The following SLC9A2 variants were observed in gnomAD, a reference collection of about 807,000 sequenced individuals.
The protein encoded by SLC9A2 is solute carrier family 9 member A2, also known as sodium/hydrogen exchanger 2.
A neutral mutation model predicts 71.7 loss-of-function variants in SLC9A2; 42 were observed. The observed-to-expected ratio is 0.59, with a 90% confidence interval of 0.46 to 0.76. The LOEUF is 0.76. Ranked by LOEUF, SLC9A2 falls within the 30% of genes least tolerant of loss-of-function variation. SLC9A2 has a pLI of 0.00. For synonymous variants in SLC9A2, 396 were observed against 392.5 expected, an observed-to-expected ratio of 1.01 and a Z score of -0.10; for missense variants, 829 against 1,017.4, an observed-to-expected ratio of 0.81 and a Z score of 2.52.
At chr2:102,624,194 C>T (rs1676199341) in intron 1 of SLC9A2, among the ~76,000 whole-genome samples, 1 of 152,084 alleles carries the variant, frequency 6.6e-6, no homozygotes, top group Non-Finnish European at 1.5e-5. Flanking sequence ...TTTTAAAGCA[C>T]AGCAAATTTA....
intron 7 of SLC9A2, among the ~76,000 whole-genome samples, chr2:102,698,869 T>C (rs1253439520): frequency 6.6e-6 from 1 of 152,094 alleles, no homozygotes; most frequent in African/African-American, 2.4e-5. Context: ...ATCTGTGCCA[T>C]GATGGAAGGT....
Position 102,619,762 on chromosome 2 carries a change from G to A in SLC9A2, c.-87G>A, listed in dbSNP as rs1314349857. 2.3e-6 allele frequency: 3 copies of A among 1,281,200 alleles called. No homozygotes were observed. Among genetic ancestry groups the A allele is most frequent in the African/African-American group, 1.6e-5 (1 of 64,000 alleles). The allele number at this position is 1,281,200 out of a possible 1,614,324, so 79.4% of individuals were successfully genotyped here. ...GCTGCCCTGCCCTGCACGGGGCAGG[G>A]CGGAGCGGGCTGAGCAGCCCGGGCG... On this transcript the variant is annotated 5_prime_UTR_variant, in exon 1 of 12. Transcript: ENST00000233969. The surrounding 1 kb of genome is among the most constrained non-coding windows in gnomAD (Gnocchi z 4.3).
intron 1 of SLC9A2, among the ~76,000 whole-genome samples, chr2:102,631,186 A>G (rs1029166356): frequency 6.6e-6 from 1 of 152,112 alleles, no homozygotes; most frequent in African/African-American, 2.4e-5. Flanking sequence ...TGTATGTGGT[A>G]TAGACCTGGA....
intron 1 of SLC9A2, among the ~76,000 whole-genome samples, chr2:102,623,424 G>A (rs934451348): frequency 6.6e-6 from 1 of 152,134 alleles, no homozygotes; most frequent in African/African-American, 2.4e-5. Context: ...CTTCCCCTGT[G>A]TTCCTAGAGG....
At chr2:102,626,279 C>G (rs1397161703) in intron 1 of SLC9A2, among the ~76,000 whole-genome samples, 1 of 152,140 alleles carries the variant, frequency 6.6e-6, no homozygotes, top group African/African-American at 2.4e-5. Context: ...ATATCTACAA[C>G]TATCTGATCT....
chr2:102,624,754 C>G (rs529469786), intron 1 of SLC9A2, among the ~76,000 whole-genome samples: 1 of 152,136 alleles, frequency 6.6e-6, no homozygotes, highest in Non-Finnish European at 1.5e-5. Flanking sequence ...TTTTCCACCT[C>G]CCTCCATCCT....
chr2:102,652,681 A>G (rs1408832010), intron 1 of SLC9A2, among the ~76,000 whole-genome samples: 1 of 152,026 alleles, frequency 6.6e-6, no homozygotes, highest in African/African-American at 2.4e-5. Context: ...CTGGTCCTTA[A>G]CAGAAAAGTC....
At chr2:102,634,449 TGTGAGGATAGA>T (rs958419339) in intron 1 of SLC9A2, among the ~76,000 whole-genome samples, 3 of 152,212 alleles carry the variant, frequency 2.0e-5, no homozygotes, top group African/African-American at 7.2e-5. Flanking sequence ...GTTAGGTTGT[TGTGAGGATAGA>T]GTTAACACAT....
intron 1 of SLC9A2, among the ~76,000 whole-genome samples, chr2:102,638,616 AGT>A (rs1676515581): frequency 6.6e-6 from 1 of 152,218 alleles, no homozygotes; most frequent in African/African-American, 2.4e-5. Context: ...CTTGAATGAA[AGT>A]GTTCCTTATG....
intron 9 of SLC9A2, among the ~76,000 whole-genome samples, chr2:102,702,835 C>T (rs185024824): frequency 2.6e-5 from 4 of 152,300 alleles, no homozygotes; most frequent in Admixed American, 2.6e-4. Context: ...GGACCTCACC[C>T]TCCTTGTTAT....
intron 1 of SLC9A2, among the ~76,000 whole-genome samples, chr2:102,650,766 G>A (rs1157375715): frequency 6.6e-6 from 1 of 152,138 alleles, no homozygotes; most frequent in South Asian, 2.1e-4. Context: ...ACATTATGGG[G>A]TTAATAAGAA....
Position 102,675,193 on chromosome 2 carries a change from T to C in SLC9A2, c.1005-8068T>C, listed in dbSNP as rs542288847. 6.6e-5 allele frequency among the ~76,000 whole-genome samples: 10 copies of C among 152,248 alleles called. No homozygotes were observed. The East Asian group carries it at 1.9e-3, about 29-fold the overall frequency. Reference sequence around the variant, plus strand: ...CTCAATCCTTTATAGTAAAGTAAACTGGGATGGGAATGTTGATGATGCTTG... The same window carrying C: ...CTCAATCCTTTATAGTAAAGTAAACCGGGATGGGAATGTTGATGATGCTTG... On this transcript the variant is annotated intron_variant, in intron 3 of 11. Transcript: ENST00000233969.
Position 102,657,896 on chromosome 2 carries a change from C to T in SLC9A2, c.622C>T (p.Leu208=). 1.2e-6 allele frequency: 2 copies of T among 1,614,262 alleles called. No homozygotes were observed. Among genetic ancestry groups the T allele is most frequent in the Admixed American group, 1.7e-5 (1 of 60,038 alleles). ...GLSDITLLQN[L]LFGSLISAVD... ...CAGCGACATCACTTTGCTCCAGAAC[C>T]TGCTCTTTGGCAGCTTAATCTCAGC... The change falls in exon 2 of 12, where the codon CTG becomes TTG. Residue 208 remains leucine (L), a synonymous_variant. Coordinates refer to ENST00000233969, the MANE Select transcript of SLC9A2 (RefSeq NM_003048.6).
At chr2:102,707,309 T>A (rs531441749) in intron 11 of SLC9A2, among the ~76,000 whole-genome samples, 47 of 151,744 alleles carry the variant, frequency 3.1e-4, no homozygotes, top group South Asian at 1.5e-3. Flanking sequence ...TTTTATTTTT[T>A]TTTTTTTGCT....
rs6712816 is a variant in SLC9A2 at position 102,666,340 on chromosome 2, C to T, written c.1004+990C>T. Among the ~76,000 whole-genome samples the T allele has an allele frequency of 3.0e-3, 463 of 151,896 alleles. 1 individual carries two copies. Among genetic ancestry groups the T allele is most frequent in the African/African-American group, 0.01 (432 of 41,426 alleles). ...CCTCCTGAGTAGCTGGGACTGCAGGCGCCCGCCACCACACCGGGCTAATTT... is the reference window on the plus strand; with the variant it reads ...CCTCCTGAGTAGCTGGGACTGCAGGTGCCCGCCACCACACCGGGCTAATTT... On this transcript the variant is annotated intron_variant, in intron 3 of 11. Coordinates refer to ENST00000233969, the MANE Select transcript of SLC9A2 (RefSeq NM_003048.6).
intron 3 of SLC9A2, among the ~76,000 whole-genome samples, chr2:102,682,815 C>A (rs1424222928): frequency 6.6e-6 from 1 of 152,164 alleles, no homozygotes; most frequent in Non-Finnish European, 1.5e-5. Flanking sequence ...AAGTCTAATG[C>A]AAGCCCATTT....
intron 1 of SLC9A2, among the ~76,000 whole-genome samples, chr2:102,653,706 C>G (rs1432671364): frequency 6.6e-6 from 1 of 152,174 alleles, no homozygotes; most frequent in Non-Finnish European, 1.5e-5. Context: ...GCATGGGTCT[C>G]TGAGGCTGCT....
chr2:102,623,226 G>A (rs547417475), intron 1 of SLC9A2, among the ~76,000 whole-genome samples: 1 of 152,206 alleles, frequency 6.6e-6, no homozygotes, highest in African/African-American at 2.4e-5. Context: ...TTTCCTTTCT[G>A]CATCTGAGTG....
intron 3 of SLC9A2, among the ~76,000 whole-genome samples, chr2:102,670,870 T>TG (rs1677236545): frequency 7.2e-6 from 1 of 139,078 alleles, no homozygotes; most frequent in Non-Finnish European, 1.5e-5. Flanking sequence ...TTTTTTTTTT[T>TG]GCCTATCCTA....
Sources: allele counts gnomAD v4.1 joint callset (sites outside exome capture counted in the v4.1 genomes callset), GRCh38; gene constraint gnomAD v4.1.1; non-coding constraint Gnocchi (gnomAD v3.1); transcripts MANE v1.5; gene names NCBI Gene and HGNC (gene_info 2026-07-23, HGNC 2026-07-21).